KRT10: variants seen among roughly 807,000 people sequenced by gnomAD.
KRT10 encodes keratin 10.
KRT10 carries 40 observed loss-of-function variants against 59.2 expected under a neutral mutation model. That is an observed-to-expected ratio of 0.68 (90% CI 0.52 to 0.88). The LOEUF is 0.88. KRT10 is among the 40% of genes least tolerant of loss of function. The pLI is 0.00. For synonymous variants in KRT10, 336 were observed against 310.7 expected, an observed-to-expected ratio of 1.08 and a Z score of -0.86; for missense variants, 719 against 749.1, an observed-to-expected ratio of 0.96 and a Z score of 0.47.
chr17:40,819,534 C>A lies in KRT10; in HGVS notation c.1356G>T (p.Leu452=), dbSNP rs775752746. 1 of 1,613,966 alleles carries A rather than the reference C, an allele frequency of 6.2e-7. No individual in the cohort carries two copies. The highest frequency in any genetic ancestry group is 8.5e-7 in the Non-Finnish European group (1 of 1,179,818). ...AAATTTACCTTCCCTCTCCTTCTAGCAGGCTGCGGTAGGTTTGAATTTCAT... is the reference window on the plus strand; with the variant it reads ...AAATTTACCTTCCCTCTCCTTCTAGAAGGCTGCGGTAGGTTTGAATTTCAT... ...LENEIQTYRS[L]LEGEGSSGGG... The change falls in exon 6 of 8, where the codon CTG becomes CTT. Residue 452 remains leucine (L), a synonymous_variant. Coordinates refer to ENST00000269576, the MANE Select transcript of KRT10 (RefSeq NM_000421.5).
chr17:40,820,385 C>G lies in KRT10; in HGVS notation c.906G>C (p.Val302=). 6.2e-7 allele frequency: 1 copy of G among 1,614,242 alleles called. No homozygotes were observed. The highest frequency in any genetic ancestry group is 8.5e-7 in the Non-Finnish European group (1 of 1,180,048). ...CCGGGGCAGCATTCATTTCCACATT[C>G]ACATCACCAGTGGACACATTTCGAA... The part of the protein sequence containing the change: ...KDLRNVSTGD[V]NVEMNAAPGV... Residue 302 remains valine (V), a synonymous_variant, in exon 4 of 8, where the codon GTG becomes GTC. Transcript: ENST00000269576.
Position 40,818,819 on chromosome 17 carries a change from C to T in KRT10, c.1716G>A (p.Gly572=). 1 of 1,309,366 alleles carries T rather than the reference C, an allele frequency of 7.6e-7. No individual in the cohort carries two copies. The highest frequency in any genetic ancestry group is 1.0e-6 in the Non-Finnish European group (1 of 974,518). The allele number at this position is 1,309,366 out of a possible 1,614,324, so 81.1% of individuals were successfully genotyped here. A position where few individuals can be genotyped will look rare whatever the true frequency, so the allele number is the denominator to read the frequency against. ...CCTTAGATGAAGACTCGCCCACGGACCCGGAAGAGGAGGACTTGTGGCCTC... is the reference window on the plus strand; with the variant it reads ...CCTTAGATGAAGACTCGCCCACGGATCCGGAAGAGGAGGACTTGTGGCCTC... ...SSGGHKSSSS[G]SVGESSSKGP... is the part of the protein sequence containing the mutation. The change falls in exon 7 of 8, where the codon GGG becomes GGA. Residue 572 remains glycine, a synonymous_variant. Coordinates refer to ENST00000269576, the MANE Select transcript of KRT10 (RefSeq NM_000421.5).
rs1187790690 is a variant in KRT10 at position 40,820,035 on chromosome 17, GA to G, written c.1155+13del. ...TATGATAAAGTTGAAGTCATTTCAT[GA>G]GAGTTAACATACCAAGGCCAGTTGG... On this transcript the variant is annotated intron_variant, in intron 5 of 7. Coordinates refer to ENST00000269576, the MANE Select transcript of KRT10 (RefSeq NM_000421.5). 1.2e-6 allele frequency: 2 copies of G among 1,611,986 alleles called. No homozygotes were observed. Among genetic ancestry groups the G allele is most frequent in the Non-Finnish European group, 1.7e-6 (2 of 1,179,772 alleles).
intron 7 of KRT10, 120 bp downstream of exon 7, chr17:40,818,667 G>T: frequency 6.6e-7 from 1 of 1,507,124 alleles, no homozygotes; most frequent in Non-Finnish European, 9.0e-7. Context: ...GTGAACAAAT[G>T]CAAACGGAAC....
chr17:40,822,169 A>G lies in KRT10; in HGVS notation c.417T>C (p.Gly139=). 6.2e-7 allele frequency: 1 copy of G among 1,613,882 alleles called. No individual in the cohort carries two copies. The highest frequency in any genetic ancestry group is 8.5e-7 in the Non-Finnish European group (1 of 1,179,950). Residue 139 remains glycine (G), a synonymous_variant, in exon 1 of 8, where the codon GGT becomes GGC. Transcript: ENST00000269576. ...CTTTTTCATTTCCAGAGAGAAGGCC[A>G]CCATCTCCTCCAAATCCACCACCAA... ...GGFGGGFGGD[G]GLLSGNEKVT...
chr17:40,822,085 C>T lies in KRT10; in HGVS notation c.501G>A (p.Leu167=), dbSNP rs750113513. 9.3e-6 allele frequency: 15 copies of T among 1,614,120 alleles called. No individual in the cohort carries two copies. In the Admixed American group the frequency reaches 2.5e-4, roughly 27 times the overall value. The change falls in exon 1 of 8, where the codon CTG becomes CTA. Residue 167 remains leucine (L), a synonymous_variant. Transcript: ENST00000269576. ...CTTCCAGCTCATAGTTTGATTCTTCCAGAGCCCGAACTTTGTCCAAGTAGG... is the reference window on the plus strand; with the variant it reads ...CTTCCAGCTCATAGTTTGATTCTTCTAGAGCCCGAACTTTGTCCAAGTAGG... ...LASYLDKVRA[L]EESNYELEGK... is the part of the protein sequence containing the mutation.
At chr17:40,820,477 C>A in intron 3 of KRT10, 34 bp downstream of exon 3, 3 of 1,614,198 alleles carry the variant, frequency 1.9e-6, no homozygotes, top group Non-Finnish European at 1.7e-6. Context: ...AATGAACTCT[C>A]TTTTGGCTGG....
chr17:40,820,682 A>T lies in KRT10; in HGVS notation c.711-15T>A, dbSNP rs756574493. The T allele has an allele frequency of 4.3e-6, 7 of 1,614,040 alleles. 1 individual carries two copies. In the South Asian group the frequency reaches 6.6e-5, roughly 15 times the overall value. On this transcript the variant is annotated splice_polypyrimidine_tract_variant and intron_variant, in intron 2 of 7. Coordinates refer to ENST00000269576, the MANE Select transcript of KRT10 (RefSeq NM_000421.5). ...CATTCTCATACCTGAAACAAGCATG[A>T]TATCAATACTGGTTATAACTTATAT...
At chr17:40,818,510 A>C (rs768864991) in intron 7 of KRT10, 28 bp from the exon 8 acceptor site, 13 of 1,460,512 alleles carry the variant, frequency 8.9e-6, no homozygotes, top group Non-Finnish European at 1.2e-5. Flanking sequence ...AAAAAATTTT[A>C]AACAGTCTGT....
In KRT10 at chr17:40,819,052, A is replaced by AGCT. The variant is rs746037860; in HGVS notation, c.1482_1483insAGC (p.Ser495dup). ...CTTCCGCCTCCGTAGCCGCCGCCGGAACTGCCGCCGTGGCCGCCGCCGTGG... is the reference window on the plus strand; with the variant it reads ...CTTCCGCCTCCGTAGCCGCCGCCGGAGCTACTGCCGCCGTGGCCGCCGCCGTGG... On this transcript the variant is annotated inframe_insertion, in exon 7 of 8. Coordinates refer to ENST00000269576, the MANE Select transcript of KRT10 (RefSeq NM_000421.5). 3.1e-5 allele frequency: 41 copies of AGCT among 1,332,490 alleles called. No homozygotes were observed. The South Asian group carries it at 5.7e-4, about 19-fold the overall frequency. The allele number at this position is 1,332,490 out of a possible 1,614,324, so 82.5% of individuals were successfully genotyped here. A position where few individuals can be genotyped will look rare whatever the true frequency, so the allele number is the denominator to read the frequency against.
rs544264740 is a variant in KRT10, at chr17:40,822,512, C to T, written c.74G>A (p.Cys25Tyr). 6.2e-7 allele frequency: 1 copy of T among 1,611,500 alleles called. No individual in the cohort carries two copies. The highest frequency in any genetic ancestry group is 8.5e-7 in the Non-Finnish European group (1 of 1,179,814). Residue 25 changes from cysteine to tyrosine, a missense_variant, in exon 1 of 8, where the codon TGT becomes TAT. By Grantham distance (194) the Cys-to-Tyr change is radical. Transcript: ENST00000269576. Reference protein sequence around the residue: ...RSGGGGGGGGCGGGGGVSSLR... With the variant: ...RSGGGGGGGGYGGGGGVSSLR... ...GGATGACACTCCTCCTCCTCCTCCA[C>T]ATCCTCCTCCTCCTCCTCCTCCTCC...
Position 40,818,789 on chromosome 17 carries a change from T to C in KRT10, c.1746A>G (p.Pro582=), listed in dbSNP as rs1905164659. The C allele has an allele frequency of 3.9e-6, 6 of 1,553,514 alleles. No homozygotes were observed. Among genetic ancestry groups the C allele is most frequent in the Non-Finnish European group, 5.2e-6 (6 of 1,159,248 alleles). ...TACCCCAGCTAGTTTCTGCTGACCTTGGTCCCTTAGATGAAGACTCGCCCA... is the reference window on the plus strand; with the variant it reads ...TACCCCAGCTAGTTTCTGCTGACCTCGGTCCCTTAGATGAAGACTCGCCCA... ...GSVGESSSKG[P]RY Residue 582 remains proline (P), a splice_region_variant and synonymous_variant, in exon 7 of 8, where the codon CCA becomes CCG. Transcript: ENST00000269576.
At position 40,818,497 on chromosome 17, in the gene KRT10, G is replaced by GA. The variant is rs747556237; in HGVS notation, c.1749-16dup. On this transcript the variant is annotated splice_polypyrimidine_tract_variant and intron_variant, in intron 7 of 7. Coordinates refer to ENST00000269576, the MANE Select transcript of KRT10 (RefSeq NM_000421.5). The stretch of plus-strand genomic sequence containing the variant: ...TTTGTTAGTATCTGTGTGAATGATG[G>GA]AAAAAAAATTTTAAACAGTCTGTAG... The GA allele has an allele frequency of 3.9e-6, 6 of 1,553,706 alleles. No homozygotes were observed. Among genetic ancestry groups the GA allele is most frequent in the East Asian group, 2.2e-5 (1 of 44,568 alleles).
chr17:40,818,528 C>G lies in KRT10; in HGVS notation c.1749-46G>C, dbSNP rs764653836. 14 of 1,330,922 alleles carry G rather than the reference C, an allele frequency of 1.1e-5. No homozygotes were observed. In the African/African-American group the frequency reaches 1.9e-4, roughly 18 times the overall value. The allele number at this position is 1,330,922 out of a possible 1,614,324, so 82.4% of individuals were successfully genotyped here. On this transcript the variant is annotated intron_variant, in intron 7 of 7. Coordinates refer to ENST00000269576, the MANE Select transcript of KRT10 (RefSeq NM_000421.5). ...AAATTTTAAACAGTCTGTAGGGATCCTTAGTAATTAACAAGCAAATATTGT... is the reference window on the plus strand; with the variant it reads ...AAATTTTAAACAGTCTGTAGGGATCGTTAGTAATTAACAAGCAAATATTGT...
chr17:40,818,973 C>A lies in KRT10; in HGVS notation c.1562G>T (p.Gly521Val), dbSNP rs1270773135. The change falls in exon 7 of 8, where the codon GGC becomes GTC. Residue 521 changes from glycine to valine, a missense_variant. Around this residue, in one of 4 missense-constraint regions of KRT10, gnomAD observed 315 missense variants for 270.6 expected, o/e 1.16. Transcript: ENST00000269576. ...GGYGGGSSSGGHGGSSSGGYG... is the reference protein window; with the variant it reads ...GGYGGGSSSGVHGGSSSGGYG... ...GCCGCCGCTGGAACTGCCGCCGTGG[C>A]CGCCGCTGGAGCTTCCGCCCCCGTA... The A allele has an allele frequency of 2.2e-6, 3 of 1,391,136 alleles. No homozygotes were observed. The highest frequency in any genetic ancestry group is 2.8e-6 in the Non-Finnish European group (3 of 1,071,442). 86.2% of individuals were successfully genotyped at this position (1,391,136 alleles called of 1,614,324 possible).
intron 3 of KRT10, 34 bp from the exon 4 acceptor site, chr17:40,820,457 C>T (rs1018832834): frequency 5.0e-6 from 8 of 1,614,150 alleles, no homozygotes; most frequent in Non-Finnish European, 5.9e-6. Flanking sequence ...ATTGGCTACA[C>T]GAGGACCATA....
Position 40,818,990 on chromosome 17 carries a change from G to C in KRT10, c.1545C>G (p.Gly515=). 2.9e-6 allele frequency: 4 copies of C among 1,379,786 alleles called. No individual in the cohort carries two copies. The highest frequency in any genetic ancestry group is 3.8e-6 in the Non-Finnish European group (4 of 1,065,796). 85.5% of individuals were successfully genotyped at this position (1,379,786 alleles called of 1,614,324 possible). Residue 515 remains glycine (G), a synonymous_variant, in exon 7 of 8, where the codon GGC becomes GGG. Transcript: ENST00000269576. ...GGGSSGGGYG[G]GSSSGGHGGS... The stretch of plus-strand genomic sequence containing the variant: ...CGCCGTGGCCGCCGCTGGAGCTTCC[G>C]CCCCCGTAGCCGCCGCCGGAGCTTC...
At chr17:40,821,188 A>T (rs1288822245) in intron 1 of KRT10, 71 bp from the exon 2 acceptor site, 1 of 1,074,112 alleles carries the variant, frequency 9.3e-7, no homozygotes, top group African/African-American at 1.6e-5. Flanking sequence ...ACATAGATGC[A>T]CTCTGCACTT....
chr17:40,822,365 T>C lies in KRT10; in HGVS notation c.221A>G (p.Tyr74Cys). Residue 74 changes from tyrosine (Y) to cysteine (C), a missense_variant, in exon 1 of 8, where the codon TAT (tyrosine) becomes TGT (cysteine). By Grantham distance (194) the Tyr-to-Cys change is radical (BLOSUM62 -2). Around this residue, in one of 4 missense-constraint regions of KRT10, gnomAD observed 176 missense variants for 175.7 expected, o/e 1.00. Transcript: ENST00000269576. ...GGCFGGSSGG[Y>C]GGLGGFGGGS... Reference sequence around the variant, plus strand: ...TCCACCAAAACCTCCTAATCCTCCATAGCCACCTGATGAGCCCCCAAAGCA... The same window carrying C: ...TCCACCAAAACCTCCTAATCCTCCACAGCCACCTGATGAGCCCCCAAAGCA... 6.2e-7 allele frequency: 1 copy of C among 1,606,462 alleles called. No individual in the cohort carries two copies.
Sources: gnomAD v4.1 joint callset for allele counts on GRCh38, gnomAD v4.1.1 for gene constraint, gnomAD v4.1.1 regional missense constraint, MANE v1.5 for transcripts, NCBI Gene and HGNC (gene_info 2026-07-23, HGNC 2026-07-21) for gene names.